Variants in NXPH1 observed in about 807,000 individuals in gnomAD.
NXPH1 encodes the protein neurexophilin 1.
In NXPH1, 5 loss-of-function variants were observed where a neutral mutation model predicts 23.7. That is an observed-to-expected ratio of 0.21 (90% CI 0.11 to 0.44). The LOEUF (loss-of-function observed/expected upper bound fraction) is 0.44, where lower values mean the gene tolerates loss of function less well. Ranked by LOEUF, NXPH1 falls within the 20% of genes least tolerant of loss-of-function variation. The pLI, the probability that NXPH1 is intolerant of heterozygous loss-of-function variation, is 0.99. For missense variants in NXPH1, 324 were observed against 321.6 expected (o/e 1.01, Z -0.06); for synonymous variants, 144 against 122.2 (o/e 1.18, Z -1.18).
chr7:8,472,233 G>T (rs1816882417), intron 2 of NXPH1, among the ~76,000 whole-genome samples: 1 of 152,052 alleles, frequency 6.6e-6, no homozygotes, highest in African/African-American at 2.4e-5. Flanking sequence ...GTTTGACTTT[G>T]TTCAAGTCAT....
At chr7:8,625,041 G>T (rs1819957468) in intron 2 of NXPH1, among the ~76,000 whole-genome samples, 3 of 152,218 alleles carry the variant, frequency 2.0e-5, no homozygotes, top group South Asian at 4.1e-4. Context: ...TATATTTAGA[G>T]AAGACTGTCC....
chr7:8,477,679 C>T (rs1411272279), intron 2 of NXPH1, among the ~76,000 whole-genome samples: 1 of 151,906 alleles, frequency 6.6e-6, no homozygotes, highest in African/African-American at 2.4e-5. Flanking sequence ...TCACCTCCTG[C>T]TGCAGGGATG....
chr7:8,656,597 G>T lies in NXPH1; in HGVS notation c.55-94411G>T, dbSNP rs180822602. Among the ~76,000 whole-genome samples, 153 of 150,996 alleles carry T rather than the reference G, an allele frequency of 1.0e-3. 1 individual carries two copies. The highest frequency in any genetic ancestry group is 3.6e-3 in the African/African-American group (146 of 41,000). ...TAGGGTACATGTGCACAATGTGCGG[G>T]TTAGTTACATATGTATACATGTGTC... is the stretch of plus-strand genomic sequence containing the variant. On this transcript the variant is annotated intron_variant, in intron 2 of 2. Coordinates refer to ENST00000405863, the MANE Select transcript of NXPH1 (RefSeq NM_152745.3).
chr7:8,628,351 G>C (rs1820039672), intron 2 of NXPH1, among the ~76,000 whole-genome samples: 1 of 146,378 alleles, frequency 6.8e-6, no homozygotes, highest in Non-Finnish European at 1.5e-5. Context: ...GGAAACATTA[G>C]AACATTTTAT....
chr7:8,483,296 G>A (rs529611362), intron 2 of NXPH1, among the ~76,000 whole-genome samples: 19 of 152,018 alleles, frequency 1.2e-4, no homozygotes, highest in Non-Finnish European at 2.2e-4. Context: ...GAAGTTTTAA[G>A]CATTGCTCTT....
chr7:8,477,875 TATTACA>T (rs1264381197), intron 2 of NXPH1, among the ~76,000 whole-genome samples: 1 of 152,180 alleles, frequency 6.6e-6, no homozygotes, highest in Non-Finnish European at 1.5e-5. Flanking sequence ...CCAGGGACTT[TATTACA>T]ATTACGTGTT....
At chr7:8,631,653 C>G (rs558547365) in intron 2 of NXPH1, among the ~76,000 whole-genome samples, 1 of 152,054 alleles carries the variant, frequency 6.6e-6, no homozygotes, top group Non-Finnish European at 1.5e-5. Flanking sequence ...AGTATGTCCA[C>G]GAAATGACCA....
chr7:8,584,951 T>G (rs1463718039), intron 2 of NXPH1, among the ~76,000 whole-genome samples: 1 of 152,240 alleles, frequency 6.6e-6, no homozygotes, highest in African/African-American at 2.4e-5. Flanking sequence ...GGACTATCGA[T>G]ATCTCTTTCT....
At chr7:8,636,039 CTT>C (rs1820213685) in intron 2 of NXPH1, among the ~76,000 whole-genome samples, 1 of 152,128 alleles carries the variant, frequency 6.6e-6, no homozygotes, top group African/African-American at 2.4e-5. Flanking sequence ...TTCTTTCTCT[CTT>C]TTATTTTTAT....
intron 2 of NXPH1, among the ~76,000 whole-genome samples, chr7:8,722,602 T>G (rs1779987147): frequency 6.6e-6 from 1 of 152,204 alleles, no homozygotes; most frequent in African/African-American, 2.4e-5. Flanking sequence ...TCTCTTCCTT[T>G]CACAAAATTA....
At chr7:8,574,587 C>T (rs1377393201) in intron 2 of NXPH1, among the ~76,000 whole-genome samples, 1 of 152,126 alleles carries the variant, frequency 6.6e-6, no homozygotes, top group Non-Finnish European at 1.5e-5. Flanking sequence ...GAAGGAAGGC[C>T]AAACAACACC....
At chr7:8,498,657 A>T (rs942496354) in intron 2 of NXPH1, among the ~76,000 whole-genome samples, 1 of 152,024 alleles carries the variant, frequency 6.6e-6, no homozygotes. Flanking sequence ...TTATAGCATG[A>T]TGGGTTTATA....
At chr7:8,499,789 G>C (rs1477154045) in intron 2 of NXPH1, among the ~76,000 whole-genome samples, 1 of 152,014 alleles carries the variant, frequency 6.6e-6, no homozygotes, top group East Asian at 1.9e-4. Flanking sequence ...GCACACTTCT[G>C]AGCATTGGCC....
At chr7:8,490,109 A>G (rs763285118) in intron 2 of NXPH1, among the ~76,000 whole-genome samples, 2 of 152,034 alleles carry the variant, frequency 1.3e-5, no homozygotes, top group Non-Finnish European at 2.9e-5. Context: ...ATATCCTCTC[A>G]AGGCATGTGC....
chr7:8,482,573 T>A (rs1045102552), intron 2 of NXPH1, among the ~76,000 whole-genome samples: 1 of 152,218 alleles, frequency 6.6e-6, no homozygotes, highest in Non-Finnish European at 1.5e-5. Context: ...TGGACTGTTC[T>A]CTATTTTGGC....
intron 2 of NXPH1, among the ~76,000 whole-genome samples, chr7:8,630,517 C>T (rs915304984): frequency 1.3e-5 from 2 of 152,100 alleles, no homozygotes; most frequent in Non-Finnish European, 2.9e-5. Context: ...GAACTAAAGA[C>T]AGTTGGCATA....
At position 8,442,276 on chromosome 7, in the gene NXPH1, G is replaced by C. The variant is rs1235972197; in HGVS notation, c.54+6509G>C. ...AGAACCGGGAGGCTTTTCTTGTACT[G>C]TTTCTTTCTCCCACAATAAGACAAA... is the stretch of plus-strand genomic sequence containing the variant. On this transcript the variant is annotated intron_variant, in intron 2 of 2. Transcript: ENST00000405863. This position sits in a 1 kb window ranked among gnomAD's most constrained non-coding sequence, Gnocchi z 4.6. Among the ~76,000 whole-genome samples, 10 of 152,228 alleles carry C rather than the reference G, an allele frequency of 6.6e-5. No individual in the cohort carries two copies. Among genetic ancestry groups the C allele is most frequent in the African/African-American group, 2.4e-4 (10 of 41,466 alleles).
intron 2 of NXPH1, among the ~76,000 whole-genome samples, chr7:8,541,082 T>G (rs1818109020): frequency 6.6e-6 from 1 of 151,566 alleles, no homozygotes; most frequent in Admixed American, 6.6e-5. Flanking sequence ...CAACCACTAA[T>G]GAGGAGAAAA....
intron 2 of NXPH1, among the ~76,000 whole-genome samples, chr7:8,506,373 C>T (rs77615754): frequency 0.066 from 10,000 of 152,162 alleles, 446 homozygotes; most frequent in Middle Eastern, 0.14. Context: ...TTAGTCACCT[C>T]ATTTATAAAA....
Sources: gnomAD v4.1 joint callset for allele counts (sites outside exome capture counted in the v4.1 genomes callset) on GRCh38, gnomAD v4.1.1 for gene constraint, Gnocchi (gnomAD v3.1) non-coding constraint, MANE v1.5 for transcripts, NCBI Gene and HGNC (gene_info 2026-07-23, HGNC 2026-07-21) for gene names.